Variants in TENM2 observed in about 807,000 individuals in gnomAD.
TENM2 encodes teneurin transmembrane protein 2.
TENM2 carries 52 observed loss-of-function variants against 245.2 expected under a neutral mutation model. That is an observed-to-expected ratio of 0.21 (90% CI 0.17 to 0.27). TENM2 has a LOEUF of 0.27. Ranked by LOEUF, TENM2 falls within the 10% of genes least tolerant of loss-of-function variation. The pLI is 1.00. For missense variants in TENM2, 3,046 were observed against 3,666.8 expected (o/e 0.83, Z 4.37); for synonymous variants, 1,363 against 1,438.9 (o/e 0.95, Z 1.19).
chr5:167,719,923 G>A (rs890641741), intron 2 of TENM2, among the ~76,000 whole-genome samples: 8 of 151,978 alleles, frequency 5.3e-5, no homozygotes, highest in African/African-American at 1.7e-4. Context: ...AACCCTTGCT[G>A]TAGAATGGCA....
intron 3 of TENM2, among the ~76,000 whole-genome samples, chr5:167,885,880 ACCAT>A (rs1561896856): frequency 6.6e-6 from 1 of 152,074 alleles, no homozygotes; most frequent in African/African-American, 2.4e-5. Context: ...GACTGTTTTC[ACCAT>A]GTTGGACAGG....
At chr5:168,213,957 A>C (rs1241638674) in intron 20 of TENM2, among the ~76,000 whole-genome samples, 1 of 152,242 alleles carries the variant, frequency 6.6e-6, no homozygotes, top group East Asian at 1.9e-4. Flanking sequence ...CAGTATAGGA[A>C]TAACATGAGC....
intron 2 of TENM2, among the ~76,000 whole-genome samples, chr5:167,570,826 A>C (rs960646334): frequency 6.6e-6 from 1 of 152,168 alleles, no homozygotes; most frequent in Non-Finnish European, 1.5e-5. Flanking sequence ...TATTTAAGTT[A>C]TTGGTAATTG....
chr5:167,293,479 C>T (rs1334258566), intron 1 of TENM2, among the ~76,000 whole-genome samples: 1 of 151,498 alleles, frequency 6.6e-6, no homozygotes, highest in African/African-American at 2.4e-5. Flanking sequence ...CTCGGGCTTC[C>T]AAAGTGCTGG....
At chr5:167,863,095 A>C (rs1246138054) in intron 2 of TENM2, among the ~76,000 whole-genome samples, 1 of 152,214 alleles carries the variant, frequency 6.6e-6, no homozygotes, top group Non-Finnish European at 1.5e-5. Flanking sequence ...ACCTTTGTCA[A>C]GTCCCGTGAT....
chr5:167,178,521 A>G, the TENM2 span, among the ~76,000 whole-genome samples: 1 of 152,128 alleles, frequency 6.6e-6, no homozygotes, highest in Non-Finnish European at 1.5e-5. Context: ...GTTAAGCCGG[A>G]ATGTCCTGCG....
intron 2 of TENM2, among the ~76,000 whole-genome samples, chr5:167,466,325 A>T (rs1396119036): frequency 1.3e-5 from 2 of 152,112 alleles, no homozygotes; most frequent in Non-Finnish European, 2.9e-5. Context: ...ACACAGCCTC[A>T]CTGCTTCAAG....
At chr5:168,233,098 C>T (rs533640528) in intron 25 of TENM2, among the ~76,000 whole-genome samples, 25 of 152,280 alleles carry the variant, frequency 1.6e-4, no homozygotes, top group South Asian at 1.0e-3. Flanking sequence ...GAGGCCGAGG[C>T]GGGTGGATCA....
chr5:168,230,336 G>C (rs1440992800), intron 25 of TENM2, among the ~76,000 whole-genome samples: 2 of 152,162 alleles, frequency 1.3e-5, no homozygotes, highest in African/African-American at 4.8e-5. Context: ...AATGTAATTT[G>C]AAAATGAGGG....
chr5:167,767,480 G>A (rs1763110667), intron 2 of TENM2, among the ~76,000 whole-genome samples: 1 of 152,194 alleles, frequency 6.6e-6, no homozygotes, highest in Admixed American at 6.5e-5. Context: ...GGATGGTGAT[G>A]ATGGCTGCCC....
At chr5:167,736,801 T>C (rs182221804) in intron 2 of TENM2, among the ~76,000 whole-genome samples, 1 of 152,076 alleles carries the variant, frequency 6.6e-6, no homozygotes, top group Non-Finnish European at 1.5e-5. Context: ...TGAGAAGTCT[T>C]GTTCCTATCT....
At chr5:167,365,526 A>T (rs1358821632) in intron 1 of TENM2, among the ~76,000 whole-genome samples, 1 of 151,938 alleles carries the variant, frequency 6.6e-6, no homozygotes, top group East Asian at 1.9e-4. Flanking sequence ...TGATCAATTT[A>T]AAAAAAGAAA....
intron 13 of TENM2, among the ~76,000 whole-genome samples, chr5:168,181,782 T>G (rs1184959209): frequency 6.6e-6 from 1 of 150,436 alleles, no homozygotes; most frequent in African/African-American, 2.4e-5. Flanking sequence ...GTTCAAGCGA[T>G]TCTTCTGCCT....
the TENM2 span, among the ~76,000 whole-genome samples, chr5:167,197,754 G>A: frequency 6.6e-6 from 1 of 151,812 alleles, no homozygotes; most frequent in South Asian, 2.1e-4. Flanking sequence ...AGTTAAGTTA[G>A]CTCTAGGTCT....
the TENM2 span, among the ~76,000 whole-genome samples, chr5:167,110,884 G>A: frequency 1.4e-4 from 21 of 152,174 alleles, no homozygotes; most frequent in Non-Finnish European, 3.1e-4. Context: ...TTGAGAATTT[G>A]TACTTGCATT....
chr5:167,010,782 C>T, the TENM2 span, among the ~76,000 whole-genome samples: 3 of 151,978 alleles, frequency 2.0e-5, no homozygotes, highest in African/African-American at 7.3e-5. Context: ...ATTCTATGAA[C>T]CTAGGGTTAT....
chr5:168,228,956 T>C (rs1333814165), intron 25 of TENM2, among the ~76,000 whole-genome samples: 3 of 148,002 alleles, frequency 2.0e-5, no homozygotes, highest in African/African-American at 7.4e-5. Flanking sequence ...ATACATTATA[T>C]GTATACATAA....
chr5:167,413,795 G>A (rs1763029192), intron 2 of TENM2, among the ~76,000 whole-genome samples: 1 of 152,070 alleles, frequency 6.6e-6, no homozygotes, highest in Admixed American at 6.6e-5. Context: ...ACTTAACACT[G>A]AATATCAAAT....
intron 3 of TENM2, among the ~76,000 whole-genome samples, chr5:167,926,424 A>G (rs1326648716): frequency 6.6e-6 from 1 of 152,184 alleles, no homozygotes; most frequent in East Asian, 1.9e-4. Context: ...AAGAGCAACA[A>G]GAAAGACCTT....
Sources: gnomAD v4.1 joint callset for allele counts (sites outside exome capture counted in the v4.1 genomes callset) on GRCh38, gnomAD v4.1.1 for gene constraint, MANE v1.5 for transcripts, NCBI Gene and HGNC (gene_info 2026-07-23, HGNC 2026-07-21) for gene names.